The following FRMD4A variants were observed in gnomAD, a reference collection of about 807,000 sequenced individuals.
The protein encoded by FRMD4A is FERM domain-containing protein 4A.
FRMD4A carries 29 observed loss-of-function variants against 129.1 expected under a neutral mutation model. The ratio of observed to expected loss-of-function variants is 0.22; its 90% CI spans 0.17 to 0.31. The LOEUF (loss-of-function observed/expected upper bound fraction) is 0.31. Ranked by LOEUF, FRMD4A falls within the 10% of genes least tolerant of loss-of-function variation. The pLI is 1.00. For missense variants in FRMD4A, 1,272 were observed against 1,375.8 expected (o/e 0.92, Z 1.19); for synonymous variants, 634 against 571.6 (o/e 1.11, Z -1.56).
intron 2 of FRMD4A, among the ~76,000 whole-genome samples, chr10:14,217,495 T>G (rs144681189): frequency 6.6e-6 from 1 of 152,190 alleles, no homozygotes; most frequent in East Asian, 1.9e-4. Flanking sequence ...GATGTACCTT[T>G]CACCTTCTGC....
chr10:13,859,260 T>C (rs2094259023), intron 2 of FRMD4A, among the ~76,000 whole-genome samples: 1 of 152,146 alleles, frequency 6.6e-6, no homozygotes, highest in Admixed American at 6.5e-5. Context: ...GGTGCATACC[T>C]GTAATCCCAG....
At chr10:13,759,222 C>T (rs756701475) in intron 8 of FRMD4A, among the ~76,000 whole-genome samples, 47 of 152,350 alleles carry the variant, frequency 3.1e-4, no homozygotes, top group Non-Finnish European at 6.2e-4. Context: ...TCTTCCCAGA[C>T]AGCTGCGCTT....
intron 2 of FRMD4A, among the ~76,000 whole-genome samples, chr10:14,095,673 G>A (rs533479601): frequency 1.6e-4 from 25 of 152,276 alleles, no homozygotes; most frequent in Admixed American, 5.2e-4. Flanking sequence ...ACGCTGGATC[G>A]AATCCACGTT....
At chr10:14,200,406 A>T (rs1262846458) in intron 2 of FRMD4A, among the ~76,000 whole-genome samples, 2 of 138,794 alleles carry the variant, frequency 1.4e-5, no homozygotes, top group Non-Finnish European at 3.4e-5. Context: ...TGATTCTCCC[A>T]CCTCTGTCTC....
intron 5 of FRMD4A, among the ~76,000 whole-genome samples, chr10:13,794,643 G>T (rs2093075075): frequency 6.6e-6 from 1 of 152,180 alleles, no homozygotes; most frequent in African/African-American, 2.4e-5. Context: ...GCTGGAGAAG[G>T]AGCACATTCT....
chr10:13,869,000 G>A (rs1564942586), intron 2 of FRMD4A, among the ~76,000 whole-genome samples: 1 of 152,240 alleles, frequency 6.6e-6, no homozygotes, highest in Admixed American at 6.5e-5. Flanking sequence ...TGCACTTCAA[G>A]TCATAACCCG....
chr10:13,820,342 C>G (rs893214573), intron 3 of FRMD4A, among the ~76,000 whole-genome samples: 11 of 152,100 alleles, frequency 7.2e-5, no homozygotes, highest in African/African-American at 4.8e-5. Context: ...CAGTGCGAAG[C>G]CTGCATTGAC....
intron 24 of FRMD4A, chr10:13,649,583 A>C (rs957482904): frequency 6.6e-6 from 1 of 152,214 alleles, no homozygotes; most frequent in Non-Finnish European, 1.5e-5. Flanking sequence ...TATTTTTTCC[A>C]AACTTGCGAT....
chr10:13,787,110 AC>A (rs1433857477), intron 5 of FRMD4A, among the ~76,000 whole-genome samples: 8 of 152,214 alleles, frequency 5.3e-5, no homozygotes, highest in Admixed American at 3.9e-4. Context: ...CAGAGAAGGT[AC>A]AGGAAATAAC....
chr10:14,177,476 A>G (rs778369336), intron 2 of FRMD4A, among the ~76,000 whole-genome samples: 5 of 152,214 alleles, frequency 3.3e-5, no homozygotes, highest in Admixed American at 6.5e-5. Context: ...CCTGGCCCCA[A>G]TCATGTCCCC....
At chr10:14,130,469 C>T (rs1209180690) in intron 2 of FRMD4A, among the ~76,000 whole-genome samples, 8 of 152,058 alleles carry the variant, frequency 5.3e-5, no homozygotes, top group South Asian at 2.1e-4. Flanking sequence ...GCTATGATGC[C>T]CAGGCTCCTG....
chr10:13,936,621 C>T (rs80078201), intron 2 of FRMD4A, among the ~76,000 whole-genome samples: 578 of 152,210 alleles, frequency 3.8e-3, no homozygotes, highest in Non-Finnish European at 6.2e-3. Flanking sequence ...AGAAGTGAGC[C>T]CCTTTCATAC....
chr10:13,893,350 C>T (rs1348746052), intron 2 of FRMD4A, among the ~76,000 whole-genome samples: 4 of 152,114 alleles, frequency 2.6e-5, no homozygotes, highest in African/African-American at 7.2e-5. Flanking sequence ...GTCTGTGAGG[C>T]GTATTCCAAT....
chr10:13,701,795 T>C (rs779047797), intron 13 of FRMD4A, among the ~76,000 whole-genome samples: 7 of 152,194 alleles, frequency 4.6e-5, no homozygotes, highest in Admixed American at 2.0e-4. Flanking sequence ...GACTTGGCAC[T>C]GGGCCAAGAC....
intron 2 of FRMD4A, among the ~76,000 whole-genome samples, chr10:14,305,510 G>A (rs1056841965): frequency 3.9e-5 from 6 of 152,040 alleles, no homozygotes; most frequent in East Asian, 1.9e-4. Context: ...AGAGTTTAAC[G>A]CTGGTAATAG....
intron 2 of FRMD4A, among the ~76,000 whole-genome samples, chr10:14,023,122 T>G (rs570198020): frequency 6.6e-6 from 1 of 152,168 alleles, no homozygotes; most frequent in East Asian, 1.9e-4. Context: ...CATAAAGTCA[T>G]GACCCTGGCC....
At chr10:14,159,892 T>C (rs887416872) in intron 2 of FRMD4A, among the ~76,000 whole-genome samples, 1 of 151,864 alleles carries the variant, frequency 6.6e-6, no homozygotes, top group Non-Finnish European at 1.5e-5. Context: ...TCTACTAAAA[T>C]ACAAAAAATT....
intron 3 of FRMD4A, among the ~76,000 whole-genome samples, chr10:13,850,686 A>C (rs777803749): frequency 1.3e-5 from 2 of 152,198 alleles, no homozygotes; most frequent in South Asian, 2.1e-4. Context: ...ATTCCAGGTG[A>C]ACTATTAATA....
At chr10:13,935,984 C>T (rs574591777) in intron 2 of FRMD4A, among the ~76,000 whole-genome samples, 2 of 152,302 alleles carry the variant, frequency 1.3e-5, no homozygotes, top group East Asian at 3.9e-4. Flanking sequence ...ATTTGTATAA[C>T]TAAAGGGAAA....
Sources: allele counts gnomAD v4.1 joint callset (sites outside exome capture counted in the v4.1 genomes callset), GRCh38; gene constraint gnomAD v4.1.1; transcripts MANE v1.5; gene names NCBI Gene and HGNC (gene_info 2026-07-23, HGNC 2026-07-21).